The following FOCAD variants were observed in gnomAD, a reference collection of about 807,000 sequenced individuals.
FOCAD encodes the protein KIAA1797.
FOCAD carries 198 observed loss-of-function variants against 225.6 expected under a neutral mutation model. That is an observed-to-expected ratio of 0.88 (90% CI 0.78 to 0.99). The LOEUF is 0.99. Ranked by LOEUF, FOCAD falls within the 50% of genes least tolerant of loss-of-function variation. FOCAD has a pLI of 0.00. For missense variants in FOCAD, 2,713 were observed against 2,123.6 expected (o/e 1.28, Z -5.46); for synonymous variants, 897 against 755.0 (o/e 1.19, Z -3.08).
At chr9:20,727,592 G>T (rs541527481) in intron 4 of FOCAD, among the ~76,000 whole-genome samples, 1 of 151,958 alleles carries the variant, frequency 6.6e-6, no homozygotes, top group East Asian at 1.9e-4. Context: ...TATTTTGTCC[G>T]TGTCTTCTTG....
intron 36 of FOCAD, among the ~76,000 whole-genome samples, 186 bp from the exon 37 acceptor site, chr9:20,978,153 G>T (rs902296197): frequency 2.0e-5 from 3 of 152,188 alleles, no homozygotes; most frequent in Non-Finnish European, 4.4e-5. Context: ...GTGGGACTGT[G>T]ATGCCATTGG....
chr9:20,783,084 G>A (rs1423258918), intron 10 of FOCAD, among the ~76,000 whole-genome samples: 1 of 152,030 alleles, frequency 6.6e-6, no homozygotes, highest in African/African-American at 2.4e-5. Flanking sequence ...TGGGAGTGGG[G>A]GCAGGGCAAG....
At chr9:20,831,709 TATA>T (rs1276577994) in intron 15 of FOCAD, among the ~76,000 whole-genome samples, 1 of 152,062 alleles carries the variant, frequency 6.6e-6, no homozygotes, top group Admixed American at 6.6e-5. Flanking sequence ...GATATTGAGA[TATA>T]ATTCATAAAT....
At chr9:20,993,199 T>C in intron 42 of FOCAD, 54 bp from the exon 43 acceptor site, 1 of 1,446,758 alleles carries the variant, frequency 6.9e-7, no homozygotes, top group Non-Finnish European at 9.7e-7. Flanking sequence ...ATAACTGTTC[T>C]TTTGCTGATG....
chr9:20,809,523 A>G (rs1008058310), intron 11 of FOCAD, among the ~76,000 whole-genome samples: 3 of 152,202 alleles, frequency 2.0e-5, no homozygotes, highest in Non-Finnish European at 4.4e-5. Flanking sequence ...ACCTAGCTCT[A>G]GAATCTCTCT....
Position 20,926,223 on chromosome 9 carries a change from G to T in FOCAD, c.2962-78G>T, listed in dbSNP as rs1282461946. 11 of 852,172 alleles carry T rather than the reference G, an allele frequency of 1.3e-5. No homozygotes were observed. The East Asian group carries it at 2.2e-4, about 17-fold the overall frequency. The allele number at this position is 852,172 out of a possible 1,614,324, so 52.8% of individuals were successfully genotyped here. On this transcript the variant is annotated intron_variant, in intron 25 of 43. Transcript: ENST00000338382. Reference sequence around the variant, plus strand: ...AGCACTTTATTGTTTAATATAGAAGGGAGTTACACCTTAGATTTAGAAATA... The same window carrying T: ...AGCACTTTATTGTTTAATATAGAAGTGAGTTACACCTTAGATTTAGAAATA...
At chr9:20,927,815 AT>A (rs1183424534) in intron 26 of FOCAD, 1 of 152,148 alleles carries the variant, frequency 6.6e-6, no homozygotes, top group East Asian at 1.9e-4. Context: ...AAGATCATGA[AT>A]TTAGCTTAAA....
intron 17 of FOCAD, among the ~76,000 whole-genome samples, chr9:20,866,719 A>C (rs1829294078): frequency 1.3e-5 from 2 of 151,586 alleles, no homozygotes; most frequent in Non-Finnish European, 2.9e-5. Flanking sequence ...ACGAGGATTA[A>C]ATTTCTCGAT....
At chr9:20,698,563 G>A (rs1823576182) in intron 1 of FOCAD, among the ~76,000 whole-genome samples, 1 of 151,974 alleles carries the variant, frequency 6.6e-6, no homozygotes. Flanking sequence ...ACTGTGCCTG[G>A]CTAATTTTTT....
At chr9:20,737,798 G>A (rs1010306399) in intron 4 of FOCAD, among the ~76,000 whole-genome samples, 9 of 152,194 alleles carry the variant, frequency 5.9e-5, no homozygotes, top group African/African-American at 1.9e-4. Context: ...CTGAGACCTG[G>A]TAAGTTAGCT....
intron 2 of FOCAD, among the ~76,000 whole-genome samples, chr9:20,659,448 C>A (rs75122127): frequency 1.4e-3 from 39 of 27,728 alleles, no homozygotes; most frequent in Middle Eastern, 0.025. Flanking sequence ...GAAAGACAGA[C>A]AGACAGAAAG....
At chr9:20,740,483 A>G (rs1264931016) in intron 5 of FOCAD, 143 bp downstream of exon 5, 3 of 508,130 alleles carry the variant, frequency 5.9e-6, no homozygotes, top group Non-Finnish European at 1.1e-5. Context: ...CCTCTCAGGA[A>G]GTTAGCGTTT....
chr9:20,658,337 C>T (rs549651492), exon 1 of FOCAD: 103 of 166,844 alleles, frequency 6.2e-4, no homozygotes, highest in Non-Finnish European at 1.1e-3. Flanking sequence ...CTTTGTTTAC[C>T]TAATCAAGCC....
chr9:20,710,685 G>A (rs1824777148), intron 1 of FOCAD, among the ~76,000 whole-genome samples: 1 of 151,768 alleles, frequency 6.6e-6, no homozygotes, highest in African/African-American at 2.4e-5. Context: ...CATTTATAAA[G>A]CCCAATGTAA....
At chr9:20,958,573 C>G (rs1838412748) in intron 35 of FOCAD, among the ~76,000 whole-genome samples, 1 of 152,090 alleles carries the variant, frequency 6.6e-6, no homozygotes, top group Non-Finnish European at 1.5e-5. Flanking sequence ...CTACTTGAAA[C>G]TATGTATTAT....
At chr9:20,694,236 C>A (rs1389230395) in intron 1 of FOCAD, among the ~76,000 whole-genome samples, 3 of 152,086 alleles carry the variant, frequency 2.0e-5, no homozygotes, top group African/African-American at 7.2e-5. Context: ...ATTTTCAAAC[C>A]TTTTCTAAGG....
intron 19 of FOCAD, among the ~76,000 whole-genome samples, chr9:20,877,171 A>G (rs976085394): frequency 2.6e-5 from 4 of 152,032 alleles, no homozygotes; most frequent in Admixed American, 6.6e-5. Context: ...CTCCCCCAGT[A>G]TATAAACTTA....
rs540858343 is a variant in FOCAD at position 20,964,697 on chromosome 9, A to G, written c.4132+11632A>G. 2.6e-5 allele frequency among the ~76,000 whole-genome samples: 4 copies of G among 152,126 alleles called. No homozygotes were observed. In the South Asian group the frequency reaches 6.2e-4, roughly 24 times the overall value. ...ACAACAGGCGCATGCCACCACGCCCAGCTAATTTTTGTATTTTTAGTAGAG... is the reference window on the plus strand; with the variant it reads ...ACAACAGGCGCATGCCACCACGCCCGGCTAATTTTTGTATTTTTAGTAGAG... On this transcript the variant is annotated intron_variant, in intron 35 of 43. Transcript: ENST00000338382.
intron 11 of FOCAD, among the ~76,000 whole-genome samples, chr9:20,812,263 T>C (rs1188217848): frequency 1.3e-5 from 2 of 152,112 alleles, no homozygotes; most frequent in Non-Finnish European, 2.9e-5. Context: ...TTTATACTAA[T>C]TTATTACTAT....
Sources: gnomAD v4.1 joint callset for allele counts (sites outside exome capture counted in the v4.1 genomes callset) on GRCh38, gnomAD v4.1.1 for gene constraint, MANE v1.5 for transcripts, NCBI Gene and HGNC (gene_info 2026-07-23, HGNC 2026-07-21) for gene names.